Variants in RHBDD1 observed in about 807,000 individuals in gnomAD.
RHBDD1 encodes the protein rhomboid domain containing 1.
Under a neutral mutation model 36.3 loss-of-function variants are expected in RHBDD1, and 38 were observed. The ratio of observed to expected loss-of-function variants is 1.05; its 90% confidence interval spans 0.81 to 1.37. The LOEUF is 1.37. Among genes scored for constraint, RHBDD1 ranks in the 40% most tolerant of loss-of-function variants. The probability of loss-of-function intolerance (pLI) is 0.00; values close to 1 mark genes in which losing one functional copy is unlikely to be tolerated. For synonymous variants in RHBDD1, 151 were observed against 136.5 expected, an observed-to-expected ratio of 1.11 and a Z score of -0.74; for missense variants, 393 against 377.6, an observed-to-expected ratio of 1.04 and a Z score of -0.34.
At position 226,983,207 on chromosome 2, in the gene RHBDD1, A is replaced by G. The variant is rs576804498; in HGVS notation, c.857-12224A>G. Among the ~76,000 whole-genome samples, 19 of 152,258 alleles carry G rather than the reference A, an allele frequency of 1.2e-4. No homozygotes were observed. The East Asian group carries it at 2.7e-3, about 22-fold the overall frequency. ...AAAAATGCACATTTCTGGGTCCCCC[A>G]ACAGACATTGATCTGGAATCTTCCA... On this transcript the variant is annotated intron_variant, in intron 8 of 8. Coordinates refer to ENST00000392062, the MANE Select transcript of RHBDD1 (RefSeq NM_001167608.3).
At chr2:226,877,070 G>C (rs939744666) in intron 5 of RHBDD1, among the ~76,000 whole-genome samples, 1 of 152,164 alleles carries the variant, frequency 6.6e-6, no homozygotes, top group African/African-American at 2.4e-5. Flanking sequence ...AAGAGGGATT[G>C]TTTTAGTAGC....
chr2:226,828,582 A>G, the RHBDD1 span, among the ~76,000 whole-genome samples: 1 of 152,162 alleles, frequency 6.6e-6, no homozygotes, highest in East Asian at 1.9e-4. Flanking sequence ...CCCTAATTCC[A>G]TCTTTTTTAT....
the RHBDD1 span, among the ~76,000 whole-genome samples, chr2:226,823,198 G>C: frequency 1.3e-5 from 2 of 152,184 alleles, no homozygotes; most frequent in Non-Finnish European, 1.5e-5. Flanking sequence ...GCAGGAAGGA[G>C]TCACCATCTG....
rs376620256 is a variant in RHBDD1, at chr2:226,914,250, A to G, written c.755A>G (p.Asp252Gly). ...YQDYYPHGRP[D>G]HYEEAPRNYD... ...GATTATTATCCGCATGGCAGGCCAG[A>G]TCACTATGAAGAAGCACCCAGGAAC... Residue 252 changes from aspartate to glycine, a missense_variant, in exon 8 of 9, where the codon GAT becomes GGT. By Grantham distance (94) the Asp-to-Gly change is moderately conservative (BLOSUM62 -1). Coordinates refer to ENST00000392062, the MANE Select transcript of RHBDD1 (RefSeq NM_001167608.3). The G allele has an allele frequency of 1.7e-5, 27 of 1,613,900 alleles. No homozygotes were observed. Among genetic ancestry groups the G allele is most frequent in the Non-Finnish European group, 2.3e-5 (27 of 1,179,824 alleles).
At chr2:226,934,303 G>A (rs1441408063) in intron 8 of RHBDD1, among the ~76,000 whole-genome samples, 3 of 152,060 alleles carry the variant, frequency 2.0e-5, no homozygotes, top group Admixed American at 6.6e-5. Context: ...GCCTATATGT[G>A]TAGTAGGCTA....
chr2:226,812,721 C>T, the RHBDD1 span, among the ~76,000 whole-genome samples: 3 of 151,780 alleles, frequency 2.0e-5, no homozygotes, highest in African/African-American at 7.3e-5. Context: ...GATATCTTTG[C>T]AATAGTTTTT....
rs3731591 is a variant in RHBDD1 at position 226,914,212 on chromosome 2, C to T, written c.717C>T (p.Ser239=). The T allele has an allele frequency of 9.5e-5, 153 of 1,613,502 alleles. 2 individuals are homozygous for T. In the East Asian group the frequency reaches 2.6e-3, roughly 28 times the overall value. The part of the protein sequence containing the change: ...GRQYYFNSSG[S]SGYQDYYPHG... ...ACCTTTTCCTTGTGCCTTTAGGCAG[C>T]TCTGGATATCAGGATTATTATCCGC... Residue 239 remains serine (S), a synonymous_variant, in exon 8 of 9, where the codon AGC becomes AGT. Transcript: ENST00000392062.
intron 5 of RHBDD1, among the ~76,000 whole-genome samples, chr2:226,892,460 T>C (rs978453908): frequency 6.6e-6 from 1 of 152,214 alleles, no homozygotes; most frequent in African/African-American, 2.4e-5. Context: ...TCTTTGGCCA[T>C]GTGCATATGA....
At chr2:226,975,040 G>A (rs1202436129) in intron 8 of RHBDD1, among the ~76,000 whole-genome samples, 2 of 152,134 alleles carry the variant, frequency 1.3e-5, no homozygotes, top group African/African-American at 4.8e-5. Flanking sequence ...GACTCTTAGT[G>A]GGTAGCAAGG....
At chr2:226,876,507 T>G (rs1388308739) in intron 5 of RHBDD1, among the ~76,000 whole-genome samples, 1 of 152,210 alleles carries the variant, frequency 6.6e-6, no homozygotes, top group Admixed American at 6.5e-5. Context: ...GAAGAAGTAA[T>G]TATTACTTCT....
chr2:226,868,974 G>A (rs761761181), intron 5 of RHBDD1, among the ~76,000 whole-genome samples: 1 of 152,172 alleles, frequency 6.6e-6, no homozygotes, highest in African/African-American at 2.4e-5. Context: ...TTGGTTCTCT[G>A]TGTCAATGAT....
At chr2:226,904,535 C>T (rs560777556) in intron 5 of RHBDD1, among the ~76,000 whole-genome samples, 1 of 152,012 alleles carries the variant, frequency 6.6e-6, no homozygotes, top group Non-Finnish European at 1.5e-5. Flanking sequence ...TGTGCACGCG[C>T]ATGCATGTGC....
At chr2:226,834,228 A>T (rs1354770724), upstream of RHBDD1, among the ~76,000 whole-genome samples, 1 of 152,242 alleles carries the variant, frequency 6.6e-6, no homozygotes, top group Non-Finnish European at 1.5e-5. Flanking sequence ...GATAAGATTA[A>T]TATTAATTGA....
rs572917569 is a variant in RHBDD1, at chr2:226,869,447, A to G, written c.566+2129A>G. ...GAAACTAGAGCTCTCTTTGCAATGC[A>G]TTGTTATTTGCTTGATGGTTGTCAA... On this transcript the variant is annotated intron_variant, in intron 5 of 8. Transcript: ENST00000392062. Among the ~76,000 whole-genome samples, 4 of 152,300 alleles carry G rather than the reference A, an allele frequency of 2.6e-5. No homozygotes were observed. The South Asian group carries it at 6.2e-4, about 24-fold the overall frequency.
chr2:226,974,838 C>T (rs1358964964), intron 8 of RHBDD1, among the ~76,000 whole-genome samples: 1 of 152,174 alleles, frequency 6.6e-6, no homozygotes, highest in Non-Finnish European at 1.5e-5. Context: ...AATTGGAGAT[C>T]ACTCTTTTCA....
At chr2:226,990,564 C>T (rs763196678) in intron 8 of RHBDD1, among the ~76,000 whole-genome samples, 3 of 152,064 alleles carry the variant, frequency 2.0e-5, no homozygotes, top group Admixed American at 1.3e-4. Flanking sequence ...GGATGGCGAA[C>T]GGTAGGGAAA....
At chr2:226,849,189 C>T (rs531983074) in intron 3 of RHBDD1, among the ~76,000 whole-genome samples, 18 of 152,328 alleles carry the variant, frequency 1.2e-4, no homozygotes, top group African/African-American at 4.3e-4. Context: ...GATTAAGTGA[C>T]GTGGGCAGGG....
chr2:226,927,334 G>GTTTTTTTTTTTTTTTTTTTTTTTTTTTT (rs11453624), intron 8 of RHBDD1, among the ~76,000 whole-genome samples: 2 of 150,752 alleles, frequency 1.3e-5, no homozygotes, highest in African/African-American at 2.4e-5. Flanking sequence ...TATACCAGAA[G>GTTTTTTTTTTTTTTTTTTTTTTTTTTTT]TTTTTTTTTG....
At chr2:226,988,572 C>T in intron 8 of RHBDD1, 1 of 1,381,052 alleles carries the variant, frequency 7.2e-7, no homozygotes. Context: ...GTGGAATCTG[C>T]ATCAGAAACA....
Sources: allele counts gnomAD v4.1 joint callset (sites outside exome capture counted in the v4.1 genomes callset), GRCh38; gene constraint gnomAD v4.1.1; transcripts MANE v1.5; gene names NCBI Gene and HGNC (gene_info 2026-07-23, HGNC 2026-07-21).